The following EPB41L5 variants were observed in gnomAD, a reference collection of about 807,000 sequenced individuals.
The protein encoded by EPB41L5 is band 4.1-like protein 5.
EPB41L5 carries 55 observed loss-of-function variants against 106.6 expected under a neutral mutation model. That is an observed-to-expected ratio of 0.52 (90% CI 0.42 to 0.65). EPB41L5 has a LOEUF of 0.65. Among genes scored for constraint, EPB41L5 ranks in the 30% least tolerant of loss-of-function variants. The pLI is 0.00. For synonymous variants in EPB41L5, 297 were observed against 306.7 expected (o/e 0.97, Z 0.33); for missense variants, 871 against 882.1 (o/e 0.99, Z 0.16).
chr2:120,121,267 G>A (rs1183749610), intron 16 of EPB41L5, among the ~76,000 whole-genome samples: 2 of 151,996 alleles, frequency 1.3e-5, no homozygotes, highest in African/African-American at 2.4e-5. Context: ...TGTTTGATAC[G>A]TAGGTATACT....
chr2:120,074,487 A>G lies in EPB41L5; in HGVS notation c.407+309A>G, dbSNP rs761989822. The G allele has an allele frequency of 2.0e-5, 4 of 204,036 alleles. No homozygotes were observed. In the East Asian group the frequency reaches 3.4e-4, roughly 17 times the overall value. The allele number at this position is 204,036 out of a possible 1,614,324, so 12.6% of individuals were successfully genotyped here. A position where few individuals can be genotyped will look rare whatever the true frequency, so the allele number is the denominator to read the frequency against. The stretch of plus-strand genomic sequence containing the variant: ...ACATGTTTCAATACATTGCAATATT[A>G]TATTTATTGATGTTGAAAATAATCT... On this transcript the variant is annotated intron_variant, in intron 5 of 24. Transcript: ENST00000263713.
intron 3 of EPB41L5, among the ~76,000 whole-genome samples, chr2:120,050,656 C>T (rs1223035382): frequency 1.3e-5 from 2 of 152,202 alleles, no homozygotes; most frequent in Non-Finnish European, 2.9e-5. Context: ...CTTCTCGCAA[C>T]TTGTCAAAGT....
intron 2 of EPB41L5, among the ~76,000 whole-genome samples, chr2:120,037,673 T>C (rs1185109809): frequency 6.7e-6 from 1 of 149,692 alleles, no homozygotes; most frequent in South Asian, 2.1e-4. Context: ...AAAAAAGCAG[T>C]GTGTTACTGG....
Position 120,041,999 on chromosome 2 carries a change from A to G in EPB41L5, c.181-7A>G. On this transcript the variant is annotated splice_polypyrimidine_tract_variant and splice_region_variant and intron_variant, in intron 2 of 24. Coordinates refer to ENST00000263713, the MANE Select transcript of EPB41L5 (RefSeq NM_020909.4). Reference sequence around the variant, plus strand: ...TTATTGATTTACTTATTATCTTGCCATTTCAGAAAAAAGCCAAAGGACAAG... The same window carrying G: ...TTATTGATTTACTTATTATCTTGCCGTTTCAGAAAAAAGCCAAAGGACAAG... 1 of 1,604,434 alleles carries G rather than the reference A, an allele frequency of 6.2e-7. No homozygotes were observed.
intron 16 of EPB41L5, among the ~76,000 whole-genome samples, chr2:120,114,486 G>A (rs1327506253): frequency 6.6e-6 from 1 of 152,118 alleles, no homozygotes; most frequent in Admixed American, 6.5e-5. Flanking sequence ...ATGTAGGCTC[G>A]GGTAAGCTAT....
In EPB41L5 at chr2:120,115,707, T is replaced by C. The variant is rs145650263; in HGVS notation, c.1338-11981T>C. Reference sequence around the variant, plus strand: ...GCCTGGCCCTCTCTATTTTAAAACATTGTTTTCTTAATGGTTACCCTGGGG... The same window carrying C: ...GCCTGGCCCTCTCTATTTTAAAACACTGTTTTCTTAATGGTTACCCTGGGG... On this transcript the variant is annotated intron_variant, in intron 16 of 24. Transcript: ENST00000263713. Among the ~76,000 whole-genome samples the C allele has an allele frequency of 5.3e-4, 81 of 152,190 alleles. 1 individual carries two copies. In the East Asian group the frequency reaches 0.014, roughly 27 times the overall value.
chr2:120,081,470 C>T (rs1319027016), intron 10 of EPB41L5, among the ~76,000 whole-genome samples: 2 of 152,134 alleles, frequency 1.3e-5, no homozygotes, highest in Non-Finnish European at 1.5e-5. Context: ...TGGTCTATAT[C>T]TCTGTTTTGG....
intron 2 of EPB41L5, among the ~76,000 whole-genome samples, chr2:120,024,616 C>T (rs1286915029): frequency 1.3e-5 from 2 of 152,034 alleles, no homozygotes; most frequent in Admixed American, 6.6e-5. Flanking sequence ...GCCACCACAC[C>T]CGGCTAATTC....
intron 3 of EPB41L5, among the ~76,000 whole-genome samples, chr2:120,069,128 CAAAA>C (rs539813602): frequency 8.8e-5 from 7 of 79,534 alleles, no homozygotes; most frequent in African/African-American, 4.1e-4. Context: ...AACTCTGTCT[CAAAA>C]AAAAAAAAAA....
chr2:120,153,712 T>C (rs1369995230), intron 20 of EPB41L5, among the ~76,000 whole-genome samples: 1 of 152,242 alleles, frequency 6.6e-6, no homozygotes, highest in Non-Finnish European at 1.5e-5. Context: ...TTATATCTTC[T>C]TGATGGATTG....
intron 18 of EPB41L5, among the ~76,000 whole-genome samples, chr2:120,140,596 A>G (rs1686131309): frequency 6.6e-6 from 1 of 152,056 alleles, no homozygotes; most frequent in African/African-American, 2.4e-5. Flanking sequence ...CCAGAATCTA[A>G]TACTTTTTGA....
intron 3 of EPB41L5, 58 bp from the exon 4 acceptor site, chr2:120,073,120 C>A: frequency 6.9e-7 from 1 of 1,456,858 alleles, no homozygotes; most frequent in South Asian, 1.2e-5. Context: ...TTTAGTAATT[C>A]ATTCAAATTT....
At chr2:120,067,738 C>T (rs2105301856) in intron 3 of EPB41L5, among the ~76,000 whole-genome samples, 1 of 152,214 alleles carries the variant, frequency 6.6e-6, no homozygotes, top group Middle Eastern at 3.4e-3. Flanking sequence ...CTCTGAGGAG[C>T]ATCTGTTTTG....
intron 1 of EPB41L5, among the ~76,000 whole-genome samples, chr2:120,015,320 C>CAAAA (rs531896856): frequency 8.0e-6 from 1 of 124,430 alleles, no homozygotes. Flanking sequence ...GAGCGAGACT[C>CAAAA]AAAAAAAAAA....
intron 3 of EPB41L5, among the ~76,000 whole-genome samples, chr2:120,046,773 T>C (rs1679808156): frequency 6.6e-6 from 1 of 152,232 alleles, no homozygotes; most frequent in Admixed American, 6.5e-5. Flanking sequence ...GGTTTTCTTC[T>C]AGGGTTTTTA....
At chr2:120,043,908 A>G (rs1000882259) in intron 3 of EPB41L5, among the ~76,000 whole-genome samples, 2 of 152,142 alleles carry the variant, frequency 1.3e-5, no homozygotes, top group Non-Finnish European at 1.5e-5. Context: ...GCACTTTGAG[A>G]GGCTGAGGAG....
intron 20 of EPB41L5, among the ~76,000 whole-genome samples, chr2:120,159,174 C>G (rs1479244251): frequency 3.3e-5 from 5 of 151,572 alleles, no homozygotes; most frequent in Non-Finnish European, 5.9e-5. Flanking sequence ...CCTGTAATCC[C>G]AGCACTTTGG....
Position 120,115,382 on chromosome 2 carries a change from T to C in EPB41L5, c.1338-12306T>C, listed in dbSNP as rs549671236. Reference sequence around the variant, plus strand: ...GATATGTTCTGGTGTACCATTTCAGTTCTTTTTTCTTTCTCTTACTATTTT... The same window carrying C: ...GATATGTTCTGGTGTACCATTTCAGCTCTTTTTTCTTTCTCTTACTATTTT... On this transcript the variant is annotated intron_variant, in intron 16 of 24. Coordinates refer to ENST00000263713, the MANE Select transcript of EPB41L5 (RefSeq NM_020909.4). Among the ~76,000 whole-genome samples, 6 of 152,246 alleles carry C rather than the reference T, an allele frequency of 3.9e-5. No individual in the cohort carries two copies. The East Asian group carries it at 1.2e-3, about 29-fold the overall frequency.
At chr2:120,099,409 G>A (rs1456111769) in intron 14 of EPB41L5, among the ~76,000 whole-genome samples, 1 of 151,352 alleles carries the variant, frequency 6.6e-6, no homozygotes, top group African/African-American at 2.4e-5. Context: ...GGCGGGGTGG[G>A]GATGGGTACA....
Sources: allele counts gnomAD v4.1 joint callset (sites outside exome capture counted in the v4.1 genomes callset), GRCh38; gene constraint gnomAD v4.1.1; transcripts MANE v1.5; gene names NCBI Gene and HGNC (gene_info 2026-07-23, HGNC 2026-07-21).